The following ASCC3 variants were observed in gnomAD, a reference collection of about 807,000 sequenced individuals.
ASCC3 encodes ASC-1 complex subunit P200.
A neutral mutation model predicts 256.3 loss-of-function variants in ASCC3; 158 were observed. The ratio of observed to expected loss-of-function variants is 0.62; its 90% CI spans 0.54 to 0.70. The LOEUF is 0.70. ASCC3 is among the 30% of genes least tolerant of loss of function. The pLI is 0.00. For missense variants in ASCC3, 2,259 were observed against 2,626.0 expected (o/e 0.86, Z 3.05); for synonymous variants, 948 against 883.4 (o/e 1.07, Z -1.30).
At chr6:100,783,117 T>C (rs1201489734) in intron 8 of ASCC3, among the ~76,000 whole-genome samples, 1 of 152,158 alleles carries the variant, frequency 6.6e-6, no homozygotes, top group Non-Finnish European at 1.5e-5. Context: ...TATATAAATA[T>C]TTCATATTAA....
At chr6:100,640,920 AAAGTAGTGAGG>A (rs1255277408) in intron 24 of ASCC3, among the ~76,000 whole-genome samples, 38 of 152,314 alleles carry the variant, frequency 2.5e-4, no homozygotes, top group African/African-American at 6.7e-4. Flanking sequence ...GAGTTCATTA[AAAGTAGTGAGG>A]ACTATATTTT....
chr6:100,525,641 A>G (rs1210944701), intron 37 of ASCC3, among the ~76,000 whole-genome samples: 3 of 152,186 alleles, frequency 2.0e-5, no homozygotes, highest in Non-Finnish European at 2.9e-5. Flanking sequence ...AGAATTGTGA[A>G]TAAGTATAGA....
At chr6:100,584,775 G>C (rs900872156) in intron 36 of ASCC3, among the ~76,000 whole-genome samples, 18 of 151,880 alleles carry the variant, frequency 1.2e-4, no homozygotes, top group Admixed American at 2.6e-4. Flanking sequence ...GTAGGGCAGG[G>C]CTGGTGGTGA....
intron 14 of ASCC3, among the ~76,000 whole-genome samples, chr6:100,672,700 C>G (rs1019899832): frequency 6.6e-6 from 1 of 152,062 alleles, no homozygotes; most frequent in Non-Finnish European, 1.5e-5. Flanking sequence ...AGTAGTAGCT[C>G]TGGACTTCTA....
At chr6:100,614,032 A>G (rs542227595) in intron 30 of ASCC3, among the ~76,000 whole-genome samples, 1 of 152,244 alleles carries the variant, frequency 6.6e-6, no homozygotes, top group African/African-American at 2.4e-5. Context: ...TTGTAGGGTA[A>G]GATATTAAAG....
intron 4 of ASCC3, among the ~76,000 whole-genome samples, chr6:100,833,373 G>A (rs1771713411): frequency 6.6e-6 from 1 of 152,120 alleles, no homozygotes; most frequent in Non-Finnish European, 1.5e-5. Flanking sequence ...ATACTGTGAT[G>A]GTAGATACAT....
chr6:100,586,448 TCGG>T (rs1000718893), intron 36 of ASCC3, among the ~76,000 whole-genome samples: 16 of 152,180 alleles, frequency 1.1e-4, no homozygotes, highest in Non-Finnish European at 1.0e-4. Flanking sequence ...AGTGCAGTAT[TCGG>T]GTGGGAGCGA....
Position 100,589,702 on chromosome 6 carries a change from T to G in ASCC3, c.5482A>C (p.Thr1828Pro). 1 of 1,613,800 alleles carries G rather than the reference T, an allele frequency of 6.2e-7. No homozygotes were observed. The highest frequency in any genetic ancestry group is 8.5e-7 in the Non-Finnish European group (1 of 1,179,820). ...AAGCGGTCCTTGAACATTTTAACTGTTTGATGCTTCAAATAGTAATAGGAG... is the reference window on the plus strand; with the variant it reads ...AAGCGGTCCTTGAACATTTTAACTGGTTGATGCTTCAAATAGTAATAGGAG... ...IASYYYLKHQ[T>P]VKMFKDRLKP... The change falls in exon 36 of 42, where the codon ACA (threonine) becomes CCA (proline). Residue 1828 changes from threonine (T) to proline (P), a missense_variant. Thr to Pro is a conservative substitution (Grantham distance 38). Transcript: ENST00000369162.
intron 8 of ASCC3, among the ~76,000 whole-genome samples, chr6:100,791,396 C>G (rs1186016403): frequency 6.6e-6 from 1 of 151,878 alleles, no homozygotes; most frequent in Non-Finnish European, 1.5e-5. Flanking sequence ...TAAAAGATGT[C>G]ACAGATAAGA....
chr6:100,693,001 T>A (rs1212301214), intron 13 of ASCC3, among the ~76,000 whole-genome samples: 2 of 151,918 alleles, frequency 1.3e-5, no homozygotes, highest in African/African-American at 4.8e-5. Context: ...AAAATTAGAA[T>A]ATTATCCATT....
At position 100,661,908 on chromosome 6, in the gene ASCC3, T is replaced by TATA; in HGVS notation, c.2598_2600dup (p.Ile867dup). On this transcript the variant is annotated inframe_insertion, in exon 16 of 42. Transcript: ENST00000369162. The stretch of plus-strand genomic sequence containing the variant: ...AATGGCTGAGTTTATCATGCGTTGT[T>TATA]ATAATTATTCCTTCCCCAAATTTGT... The TATA allele has an allele frequency of 6.2e-7, 1 of 1,613,436 alleles. No homozygotes were observed. The highest frequency in any genetic ancestry group is 8.5e-7 in the Non-Finnish European group (1 of 1,179,524).
At chr6:100,624,319 G>C (rs970052723) in intron 30 of ASCC3, among the ~76,000 whole-genome samples, 1 of 150,380 alleles carries the variant, frequency 6.6e-6, no homozygotes, top group East Asian at 1.9e-4. Flanking sequence ...TGCTGTCCTG[G>C]AATAGATGAA....
At chr6:100,852,090 G>A (rs9498409) in intron 3 of ASCC3, among the ~76,000 whole-genome samples, 16,843 of 152,212 alleles carry the variant, frequency 0.11, 1,586 homozygotes, top group East Asian at 0.32. Context: ...AAGGACCCCA[G>A]GTGCTGGGGC....
intron 37 of ASCC3, among the ~76,000 whole-genome samples, chr6:100,534,252 A>C (rs1306303180): frequency 6.6e-6 from 1 of 152,164 alleles, no homozygotes; most frequent in East Asian, 1.9e-4. Context: ...CCAGGCAAAA[A>C]CCAAAAACCA....
intron 34 of ASCC3, among the ~76,000 whole-genome samples, chr6:100,598,910 G>C (rs1301220908): frequency 6.6e-6 from 1 of 152,210 alleles, no homozygotes; most frequent in Admixed American, 6.5e-5. Flanking sequence ...TAAGCAGTTA[G>C]AGGACTATGG....
At chr6:100,814,204 G>C (rs1203706352) in intron 4 of ASCC3, among the ~76,000 whole-genome samples, 1 of 152,122 alleles carries the variant, frequency 6.6e-6, no homozygotes, top group African/African-American at 2.4e-5. Context: ...TAAGCATGTG[G>C]TTTTTGTCTT....
chr6:100,517,942 T>G, intron 38 of ASCC3, 49 bp downstream of exon 38: 1 of 1,585,344 alleles, frequency 6.3e-7, no homozygotes, highest in Admixed American at 1.7e-5. Flanking sequence ...TAAAAAATAT[T>G]TTTTTGAAAT....
At chr6:100,802,727 C>G (rs1051173661) in intron 5 of ASCC3, among the ~76,000 whole-genome samples, 1 of 152,122 alleles carries the variant, frequency 6.6e-6, no homozygotes, top group East Asian at 1.9e-4. Flanking sequence ...AGGCTGGGCA[C>G]TGTGGCTCAC....
chr6:100,591,048 T>A (rs1023380705), intron 34 of ASCC3, among the ~76,000 whole-genome samples: 1 of 152,090 alleles, frequency 6.6e-6, no homozygotes, highest in African/African-American at 2.4e-5. Flanking sequence ...GGAAGTTACT[T>A]TAATTTTGAT....
Sources: gnomAD v4.1 joint callset for allele counts (sites outside exome capture counted in the v4.1 genomes callset) on GRCh38, gnomAD v4.1.1 for gene constraint, MANE v1.5 for transcripts, NCBI Gene and HGNC (gene_info 2026-07-23, HGNC 2026-07-21) for gene names.